Variants in PLCB1 observed in about 807,000 individuals in gnomAD.
The protein encoded by PLCB1 is 1-phosphatidylinositol 4,5-bisphosphate phosphodiesterase beta-1.
Under a neutral mutation model 161.8 loss-of-function variants are expected in PLCB1, and 46 were observed. That is an observed-to-expected ratio of 0.28 (90% CI 0.22 to 0.36). The LOEUF is 0.36. Among genes scored for constraint, PLCB1 ranks in the 10% least tolerant of loss-of-function variants. PLCB1 has a pLI of 1.00. For synonymous variants in PLCB1, 517 were observed against 503.7 expected (o/e 1.03, Z -0.35); for missense variants, 1,016 against 1,472.5 (o/e 0.69, Z 5.07).
intron 2 of PLCB1, among the ~76,000 whole-genome samples, chr20:8,297,106 A>G (rs1245539262): frequency 2.0e-5 from 3 of 152,130 alleles, no homozygotes; most frequent in African/African-American, 4.8e-5. Flanking sequence ...AGATGTATGT[A>G]TATGTACATG....
At chr20:8,723,083 G>A (rs1013751450) in intron 15 of PLCB1, among the ~76,000 whole-genome samples, 2 of 152,126 alleles carry the variant, frequency 1.3e-5, no homozygotes, top group African/African-American at 2.4e-5. Context: ...GATATGTTCT[G>A]TCTCAACGCT....
intron 31 of PLCB1, among the ~76,000 whole-genome samples, chr20:8,814,473 G>C (rs1046425635): frequency 4.6e-5 from 7 of 151,970 alleles, no homozygotes; most frequent in African/African-American, 1.7e-4. Context: ...TCTTAAAATT[G>C]GAGGACAGGG....
intron 2 of PLCB1, among the ~76,000 whole-genome samples, chr20:8,155,820 AT>A (rs572845742): frequency 7.7e-4 from 117 of 152,280 alleles, no homozygotes; most frequent in African/African-American, 2.7e-3. Context: ...TATTTATTTT[AT>A]TTGGTAGCTT....
intron 3 of PLCB1, among the ~76,000 whole-genome samples, chr20:8,524,888 A>C (rs1984520011): frequency 6.6e-6 from 1 of 152,142 alleles, no homozygotes; most frequent in Non-Finnish European, 1.5e-5. Context: ...TAGGAGAGGG[A>C]GGGAGCGTCT....
chr20:8,505,374 G>A (rs949754057), intron 3 of PLCB1, among the ~76,000 whole-genome samples: 1 of 152,146 alleles, frequency 6.6e-6, no homozygotes, highest in Non-Finnish European at 1.5e-5. Context: ...GGTAAACATA[G>A]GCTGGGATGT....
intron 23 of PLCB1, among the ~76,000 whole-genome samples, chr20:8,749,680 A>G (rs1317021521): frequency 2.0e-5 from 3 of 152,194 alleles, no homozygotes; most frequent in African/African-American, 7.2e-5. Flanking sequence ...TGTATATGTA[A>G]CACATATAAA....
At chr20:8,395,062 A>G (rs1987726144) in intron 3 of PLCB1, among the ~76,000 whole-genome samples, 1 of 152,130 alleles carries the variant, frequency 6.6e-6, no homozygotes, top group African/African-American at 2.4e-5. Context: ...AGTTGAAATT[A>G]GTCATTTTGT....
chr20:8,229,630 C>T (rs956462126), intron 2 of PLCB1, among the ~76,000 whole-genome samples: 1 of 152,064 alleles, frequency 6.6e-6, no homozygotes, highest in Non-Finnish European at 1.5e-5. Flanking sequence ...TCCATCATCG[C>T]AGAAAGTTTT....
intron 3 of PLCB1, among the ~76,000 whole-genome samples, chr20:8,386,959 A>T (rs2122412862): frequency 6.6e-6 from 1 of 152,340 alleles, no homozygotes; most frequent in Middle Eastern, 3.4e-3. Flanking sequence ...CTCAGTTGTC[A>T]CAGGACTGAA....
At chr20:8,340,246 A>C (rs1892808627) in intron 2 of PLCB1, among the ~76,000 whole-genome samples, 1 of 152,192 alleles carries the variant, frequency 6.6e-6, no homozygotes, top group South Asian at 2.1e-4. Context: ...TAATGAAACA[A>C]GCACCATTTA....
chr20:8,427,030 GC>G (rs1486464988), intron 3 of PLCB1, among the ~76,000 whole-genome samples: 1 of 152,112 alleles, frequency 6.6e-6, no homozygotes, highest in East Asian at 1.9e-4. Context: ...TCTGACCTCA[GC>G]CTCTCAAGTA....
chr20:8,822,984 C>T (rs1200166210), intron 31 of PLCB1, among the ~76,000 whole-genome samples: 1 of 152,114 alleles, frequency 6.6e-6, no homozygotes. Context: ...TTGTCCTTGT[C>T]GTTATTCCCT....
chr20:8,467,185 C>T (rs1981860223), intron 3 of PLCB1, among the ~76,000 whole-genome samples: 1 of 152,166 alleles, frequency 6.6e-6, no homozygotes, highest in African/African-American at 2.4e-5. Context: ...AAGTGATCTG[C>T]CTGTCTTGGC....
intron 12 of PLCB1, among the ~76,000 whole-genome samples, chr20:8,712,783 G>A (rs1979089027): frequency 6.6e-6 from 1 of 152,146 alleles, no homozygotes; most frequent in African/African-American, 2.4e-5. Context: ...CAGAAAAACT[G>A]ACCTCTGCCC....
intron 31 of PLCB1, among the ~76,000 whole-genome samples, chr20:8,805,185 T>G (rs926983919): frequency 2.0e-5 from 3 of 152,178 alleles, no homozygotes; most frequent in African/African-American, 7.2e-5. Flanking sequence ...AAAAATATAT[T>G]CCTTGTTATC....
chr20:8,651,075 A>G (rs1230130116), intron 7 of PLCB1, among the ~76,000 whole-genome samples: 4 of 152,300 alleles, frequency 2.6e-5, no homozygotes, highest in East Asian at 1.9e-4. Context: ...CTGGAAGTCC[A>G]TTGCATAAAA....
At chr20:8,717,534 C>G (rs1169117712) in intron 13 of PLCB1, 137 bp from the exon 14 acceptor site, 1 of 593,328 alleles carries the variant, frequency 1.7e-6, no homozygotes, top group East Asian at 2.8e-5. Context: ...GTAAGATACA[C>G]TAAGAGTTTA....
intron 31 of PLCB1, among the ~76,000 whole-genome samples, chr20:8,809,413 G>T (rs1212256140): frequency 1.3e-5 from 2 of 152,084 alleles, no homozygotes; most frequent in African/African-American, 2.4e-5. Flanking sequence ...CATCGGTAGT[G>T]GTGGCTCTGA....
intron 4 of PLCB1, among the ~76,000 whole-genome samples, chr20:8,642,806 A>C (rs957363023): frequency 4.6e-5 from 7 of 152,218 alleles, no homozygotes; most frequent in Admixed American, 2.0e-4. Flanking sequence ...TTCTGGCGTG[A>C]AACTAGCCTC....
Sources: allele counts gnomAD v4.1 joint callset (sites outside exome capture counted in the v4.1 genomes callset), GRCh38; gene constraint gnomAD v4.1.1; transcripts MANE v1.5; gene names NCBI Gene and HGNC (gene_info 2026-07-23, HGNC 2026-07-21).